Variants in VAV3 observed in about 807,000 individuals in gnomAD.
The protein encoded by VAV3 is vav guanine nucleotide exchange factor 3.
Under a neutral mutation model 131.2 loss-of-function variants are expected in VAV3, and 94 were observed. The ratio of observed to expected loss-of-function variants is 0.72; its 90% CI spans 0.61 to 0.85. The LOEUF (loss-of-function observed/expected upper bound fraction) is 0.85. VAV3 is among the 40% of genes least tolerant of loss of function. The pLI is 0.00. For missense variants in VAV3, 939 were observed against 1,002.7 expected, an observed-to-expected ratio of 0.94 and a Z score of 0.86; for synonymous variants, 349 against 342.0, an observed-to-expected ratio of 1.02 and a Z score of -0.22.
intron 4 of VAV3, among the ~76,000 whole-genome samples, chr1:107,774,160 G>A (rs1305512927): frequency 6.6e-6 from 1 of 152,110 alleles, no homozygotes; most frequent in East Asian, 1.9e-4. Context: ...TCCACCTCCT[G>A]GGTTCCAGCG....
intron 15 of VAV3, among the ~76,000 whole-genome samples, chr1:107,736,243 C>G (rs1366536293): frequency 6.6e-6 from 1 of 152,116 alleles, no homozygotes; most frequent in Non-Finnish European, 1.5e-5. Context: ...AAACCCACAG[C>G]CAATATCATA....
intron 6 of VAV3, 136 bp from the exon 7 acceptor site, chr1:107,768,645 A>C (rs41312682): frequency 0.015 from 8,444 of 575,404 alleles, 110 homozygotes; most frequent in East Asian, 0.038. Flanking sequence ...AATTGTAGAA[A>C]CTATTTTCTC....
chr1:107,949,954 A>G (rs1409966381), intron 1 of VAV3, among the ~76,000 whole-genome samples: 2 of 152,226 alleles, frequency 1.3e-5, no homozygotes, highest in African/African-American at 4.8e-5. Context: ...AAGTTGTACT[A>G]CTGAATCATA....
chr1:107,681,805 C>T (rs559369336), intron 19 of VAV3, among the ~76,000 whole-genome samples: 4 of 152,166 alleles, frequency 2.6e-5, no homozygotes, highest in East Asian at 3.9e-4. Flanking sequence ...AGGCACCCGC[C>T]ACCACCCCCA....
intron 2 of VAV3, among the ~76,000 whole-genome samples, chr1:107,857,593 G>C (rs978370191): frequency 6.6e-6 from 1 of 152,048 alleles, no homozygotes; most frequent in African/African-American, 2.4e-5. Flanking sequence ...TTCAATTTCT[G>C]TTTCACTGCC....
chr1:107,642,860 C>T, intron 19 of VAV3, 105 bp from the exon 20 acceptor site: 1 of 1,451,876 alleles, frequency 6.9e-7, no homozygotes, highest in Non-Finnish European at 9.3e-7. Context: ...AGTGTTAATA[C>T]CACCAAGTCC....
At chr1:107,904,805 C>G (rs1373475154) in intron 1 of VAV3, among the ~76,000 whole-genome samples, 1 of 151,936 alleles carries the variant, frequency 6.6e-6, no homozygotes, top group Non-Finnish European at 1.5e-5. Context: ...GAGAGAGAGG[C>G]ACACAATAAT....
intron 15 of VAV3, among the ~76,000 whole-genome samples, chr1:107,711,411 C>A (rs1212405365): frequency 6.6e-6 from 1 of 152,280 alleles, no homozygotes; most frequent in Admixed American, 6.5e-5. Context: ...GTATAAATCA[C>A]ATTTTTTTTA....
Position 107,704,933 on chromosome 1 carries a change from C to A in VAV3, c.1604+27G>T, listed in dbSNP as rs765344610. ...TAGCAATTATATCAGTTCCTTTAAA[C>A]TGAAAACCAGGACTGAGCAGGCTTA... On this transcript the variant is annotated intron_variant, in intron 16 of 26. Coordinates refer to ENST00000370056, the MANE Select transcript of VAV3 (RefSeq NM_006113.5). 1.9e-6 allele frequency: 3 copies of A among 1,598,538 alleles called. No homozygotes were observed. In the African/African-American group the frequency reaches 4.0e-5, roughly 21 times the overall value.
chr1:107,766,298 C>T, intron 8 of VAV3, 149 bp downstream of exon 8: 2 of 586,538 alleles, frequency 3.4e-6, no homozygotes, highest in South Asian at 2.3e-5. Context: ...ACTCAAACTA[C>T]TACTCTGAAA....
intron 25 of VAV3, among the ~76,000 whole-genome samples, chr1:107,593,036 CTT>C (rs1441775724): frequency 6.6e-6 from 1 of 152,060 alleles, no homozygotes; most frequent in Non-Finnish European, 1.5e-5. Flanking sequence ...TTCTTTCTCT[CTT>C]TTCTTCTCCC....
At chr1:107,833,556 T>A (rs967604196) in intron 2 of VAV3, among the ~76,000 whole-genome samples, 13 of 147,768 alleles carry the variant, frequency 8.8e-5, no homozygotes, top group African/African-American at 3.2e-4. Flanking sequence ...ATTTTAGAAA[T>A]TTTTTTTTCT....
intron 25 of VAV3, among the ~76,000 whole-genome samples, chr1:107,575,047 G>GGA (rs895403166): frequency 1.4e-5 from 2 of 146,124 alleles, no homozygotes; most frequent in Admixed American, 7.1e-5. Context: ...TTCGATGGCA[G>GGA]GAGAGGAGCT....
At chr1:107,937,677 G>A (rs902608472) in intron 1 of VAV3, among the ~76,000 whole-genome samples, 2 of 152,064 alleles carry the variant, frequency 1.3e-5, no homozygotes, top group African/African-American at 4.8e-5. Context: ...CAGCCAAAAA[G>A]CCCTTAAAGT....
chr1:107,601,370 A>G (rs1420866137), intron 24 of VAV3, among the ~76,000 whole-genome samples: 1 of 152,150 alleles, frequency 6.6e-6, no homozygotes, highest in Non-Finnish European at 1.5e-5. Context: ...TAAAACACTG[A>G]CACCTGCCTT....
In VAV3 at chr1:107,642,731, C is replaced by T. The variant is rs775962467; in HGVS notation, c.1802G>A (p.Arg601Lys). 3.7e-6 allele frequency: 6 copies of T among 1,613,306 alleles called. No homozygotes were observed. Among genetic ancestry groups the T allele is most frequent in the Non-Finnish European group, 5.1e-6 (6 of 1,179,600 alleles). Residue 601 changes from arginine (R) to lysine (K), a missense_variant, in exon 20 of 27, where the codon AGG (arginine) becomes AAG (lysine). By Grantham distance (26) the Arg-to-Lys change is conservative (BLOSUM62 2). Coordinates refer to ENST00000370056, the MANE Select transcript of VAV3 (RefSeq NM_006113.5). Reference sequence around the variant, plus strand: ...TGGGGGTGGTGTTCCAGAATAGTTCCTAATGACCTGCATCTTTGGTAAACC... The same window carrying T: ...TGGGGGTGGTGTTCCAGAATAGTTCTTAATGACCTGCATCTTTGGTAAACC... The part of the protein sequence containing the change: ...DPGLPKMQVI[R>K]NYSGTPPPAL...
chr1:107,675,591 A>G (rs1366870864), intron 19 of VAV3, among the ~76,000 whole-genome samples: 2 of 152,164 alleles, frequency 1.3e-5, no homozygotes, highest in Non-Finnish European at 1.5e-5. Context: ...ATTGCCGTGA[A>G]GCAGGTAGTG....
chr1:107,930,491 T>C (rs1169126861), intron 1 of VAV3, among the ~76,000 whole-genome samples: 1 of 152,132 alleles, frequency 6.6e-6, no homozygotes, highest in Non-Finnish European at 1.5e-5. Context: ...ACTCTGAAAA[T>C]TGGTAATCAA....
intron 20 of VAV3, among the ~76,000 whole-genome samples, chr1:107,629,538 G>A (rs1038589044): frequency 6.6e-5 from 10 of 152,086 alleles, no homozygotes; most frequent in African/African-American, 2.2e-4. Context: ...ACTAGAAAAC[G>A]TGCCCCAAAT....
Sources: allele counts gnomAD v4.1 joint callset (sites outside exome capture counted in the v4.1 genomes callset), GRCh38; gene constraint gnomAD v4.1.1; transcripts MANE v1.5; gene names NCBI Gene and HGNC (gene_info 2026-07-23, HGNC 2026-07-21).